Variants in IMMP2L observed in about 807,000 individuals in gnomAD.
The protein encoded by IMMP2L is inner mitochondrial membrane peptidase subunit 2, also known as mitochondrial inner membrane protease subunit 2.
A neutral mutation model predicts 19.3 loss-of-function variants in IMMP2L; 18 were observed. That is an observed-to-expected ratio of 0.93 (90% CI 0.64 to 1.38). The LOEUF is 1.38. Among genes scored for constraint, IMMP2L ranks in the 40% most tolerant of loss-of-function variants. The pLI, the probability that IMMP2L is intolerant of heterozygous loss-of-function variation, is 0.00. For synonymous variants in IMMP2L, 76 were observed against 73.0 expected (o/e 1.04, Z -0.21); for missense variants, 233 against 218.2 (o/e 1.07, Z -0.43).
intron 4 of IMMP2L, chr7:110,962,546 T>A (rs1200082885): frequency 5.9e-6 from 1 of 168,756 alleles, no homozygotes; most frequent in Non-Finnish European, 1.2e-5. Flanking sequence ...ATATTACATA[T>A]CTGGAAAATT....
intron 3 of IMMP2L, chr7:111,392,971 G>C (rs1295630166): frequency 5.2e-6 from 2 of 386,064 alleles, no homozygotes; most frequent in East Asian, 1.4e-4. Context: ...CAGAACCCAA[G>C]CATTTAGGGG....
intron 3 of IMMP2L, among the ~76,000 whole-genome samples, chr7:111,044,949 G>A (rs191991122): frequency 2.6e-5 from 4 of 152,068 alleles, no homozygotes; most frequent in African/African-American, 9.6e-5. Flanking sequence ...TAACAGAGCT[G>A]TGAAAATATA....
chr7:111,312,204 G>C (rs1440570171), intron 3 of IMMP2L, among the ~76,000 whole-genome samples: 1 of 152,088 alleles, frequency 6.6e-6, no homozygotes, highest in Non-Finnish European at 1.5e-5. Flanking sequence ...GAAGAGGTTG[G>C]TTCCACAATA....
intron 5 of IMMP2L, among the ~76,000 whole-genome samples, chr7:110,782,708 T>G (rs1799819812): frequency 6.6e-6 from 1 of 151,928 alleles, no homozygotes; most frequent in South Asian, 2.1e-4. Context: ...TACATAAATC[T>G]GTATCAATTT....
chr7:111,122,739 A>G (rs1487902018), intron 3 of IMMP2L: 6 of 1,525,662 alleles, frequency 3.9e-6, no homozygotes, highest in African/African-American at 1.4e-5. Context: ...GGAATCCTTA[A>G]GGGCCCATTA....
At chr7:111,127,892 A>T (rs2129592291) in intron 3 of IMMP2L, among the ~76,000 whole-genome samples, 1 of 152,286 alleles carries the variant, frequency 6.6e-6, no homozygotes, top group Non-Finnish European at 1.5e-5. Context: ...CAATAAGCAT[A>T]CCCAATTGAA....
At chr7:111,113,532 C>T (rs1164450584) in intron 3 of IMMP2L, among the ~76,000 whole-genome samples, 2 of 151,932 alleles carry the variant, frequency 1.3e-5, no homozygotes, top group Non-Finnish European at 2.9e-5. Flanking sequence ...TTATTTTTTT[C>T]TTTTAACTAT....
chr7:110,999,665 G>C (rs1823447675), intron 3 of IMMP2L, among the ~76,000 whole-genome samples: 1 of 150,496 alleles, frequency 6.6e-6, no homozygotes, highest in Non-Finnish European at 1.5e-5. Context: ...CTTTCTGCTG[G>C]GATCAGGTTT....
Position 111,052,275 on chromosome 7 carries a change from G to C in IMMP2L, c.240-88710C>G, listed in dbSNP as rs147699076. On this transcript the variant is annotated intron_variant, in intron 3 of 5. Transcript: ENST00000405709. Reference sequence around the variant, plus strand: ...CTGACCCAGGAGAGAGTAACTAAGAGTCTGACACCTTTTAAGGTCTGATAA... The same window carrying C: ...CTGACCCAGGAGAGAGTAACTAAGACTCTGACACCTTTTAAGGTCTGATAA... Among the ~76,000 whole-genome samples the C allele has an allele frequency of 2.6e-3, 398 of 152,282 alleles. 2 individuals carry two copies. Among genetic ancestry groups the C allele is most frequent in the Middle Eastern group, 0.014 (4 of 294 alleles).
chr7:111,275,202 A>C (rs139993984), intron 3 of IMMP2L, among the ~76,000 whole-genome samples: 2,030 of 152,268 alleles, frequency 0.013, 46 homozygotes, highest in African/African-American at 0.046. Context: ...AGTCAATGAG[A>C]CCACATTGCC....
intron 5 of IMMP2L, among the ~76,000 whole-genome samples, chr7:110,716,126 AC>A (rs1795220725): frequency 6.6e-6 from 1 of 151,128 alleles, no homozygotes; most frequent in South Asian, 2.1e-4. Flanking sequence ...TCTTTTCCCA[AC>A]CCCCAAAATA....
chr7:110,963,647 G>C (rs1819210014), intron 3 of IMMP2L, 82 bp from the exon 4 acceptor site: 1 of 809,746 alleles, frequency 1.2e-6, no homozygotes, highest in African/African-American at 1.8e-5. Context: ...TAACAAAATA[G>C]GCTATATTAA....
chr7:111,309,953 G>T (rs923428551), intron 3 of IMMP2L, among the ~76,000 whole-genome samples: 2 of 151,912 alleles, frequency 1.3e-5, no homozygotes, highest in African/African-American at 4.8e-5. Flanking sequence ...ATAACATTCT[G>T]GCCGGGCACG....
At chr7:111,329,483 G>A (rs1023281743) in intron 3 of IMMP2L, among the ~76,000 whole-genome samples, 1 of 151,776 alleles carries the variant, frequency 6.6e-6, no homozygotes, top group African/African-American at 2.4e-5. Context: ...GGAGTTAAGG[G>A]CAGGTTGAAC....
At chr7:111,257,763 T>A (rs1562975064) in intron 3 of IMMP2L, among the ~76,000 whole-genome samples, 1 of 152,142 alleles carries the variant, frequency 6.6e-6, no homozygotes. Context: ...TATACATCTT[T>A]TAAACACCTT....
intron 5 of IMMP2L, among the ~76,000 whole-genome samples, chr7:110,722,972 C>T (rs184011546): frequency 6.6e-6 from 1 of 152,246 alleles, no homozygotes; most frequent in Admixed American, 6.5e-5. Flanking sequence ...AGCTGTGAAG[C>T]AGGCAACCAC....
intron 5 of IMMP2L, among the ~76,000 whole-genome samples, chr7:110,885,578 A>G (rs1585138330): frequency 6.6e-6 from 1 of 152,058 alleles, no homozygotes; most frequent in Non-Finnish European, 1.5e-5. Context: ...TCTCAATTCT[A>G]TGGAGTACAA....
chr7:111,418,477 T>A (rs1356882704), intron 3 of IMMP2L, among the ~76,000 whole-genome samples: 1 of 151,860 alleles, frequency 6.6e-6, no homozygotes, highest in Non-Finnish European at 1.5e-5. Context: ...AATACGTCCC[T>A]TCTGCTCACT....
intron 5 of IMMP2L, among the ~76,000 whole-genome samples, chr7:110,782,522 A>AAG (rs1406994885): frequency 6.6e-6 from 1 of 151,820 alleles, no homozygotes; most frequent in Non-Finnish European, 1.5e-5. Flanking sequence ...AGTCCTTTTT[A>AAG]AGACTTTTTT....
Sources: allele counts gnomAD v4.1 joint callset (sites outside exome capture counted in the v4.1 genomes callset), GRCh38; gene constraint gnomAD v4.1.1; transcripts MANE v1.5; gene names NCBI Gene and HGNC (gene_info 2026-07-23, HGNC 2026-07-21).